The following VWA8 variants were observed in gnomAD, a reference collection of about 807,000 sequenced individuals.
VWA8 encodes the protein von Willebrand factor A domain containing 8, also known as von Willebrand factor A domain-containing protein 8.
Under a neutral mutation model 241.5 loss-of-function variants are expected in VWA8, and 221 were observed. That is an observed-to-expected ratio of 0.91 (90% CI 0.82 to 1.02). VWA8 has a LOEUF of 1.02. Ranked by LOEUF, VWA8 falls within the 50% of genes least tolerant of loss-of-function variation. VWA8 has a pLI of 0.00. For synonymous variants in VWA8, 852 were observed against 827.1 expected, an observed-to-expected ratio of 1.03 and a Z score of -0.52; for missense variants, 2,322 against 2,328.7, an observed-to-expected ratio of 1.00 and a Z score of 0.06.
At chr13:41,671,178 G>T in intron 36 of VWA8, 31 bp from the exon 37 acceptor site, 1 of 1,610,716 alleles carries the variant, frequency 6.2e-7, no homozygotes, top group South Asian at 1.1e-5. Context: ...GAAGCTAAGA[G>T]ACCACAAAAA....
At chr13:41,751,040 A>T (rs1170728146) in intron 21 of VWA8, among the ~76,000 whole-genome samples, 3 of 152,210 alleles carry the variant, frequency 2.0e-5, no homozygotes, top group Non-Finnish European at 4.4e-5. Flanking sequence ...CAGTAATGGT[A>T]TTGATCTCAT....
At chr13:41,580,917 T>G in intron 42 of VWA8, among the ~76,000 whole-genome samples, 1 of 152,246 alleles carries the variant, frequency 6.6e-6, no homozygotes, top group Non-Finnish European at 1.5e-5. Context: ...GAAAGCCTGC[T>G]TCTCTTAGTT....
intron 2 of VWA8, among the ~76,000 whole-genome samples, chr13:41,932,785 A>T (rs749673908): frequency 1.9e-4 from 29 of 151,836 alleles, no homozygotes; most frequent in Non-Finnish European, 3.7e-4. Flanking sequence ...CAGATTAAAA[A>T]CTCTAAGCAA....
At chr13:41,861,704 C>T (rs1350027948) in intron 12 of VWA8, among the ~76,000 whole-genome samples, 2 of 152,070 alleles carry the variant, frequency 1.3e-5, no homozygotes, top group African/African-American at 4.8e-5. Flanking sequence ...ACAACAGCCA[C>T]AGAAAGAATA....
At chr13:41,589,991 C>T (rs1404153730) in intron 41 of VWA8, among the ~76,000 whole-genome samples, 5 of 152,348 alleles carry the variant, frequency 3.3e-5, no homozygotes, top group African/African-American at 1.2e-4. Flanking sequence ...TATGCCTCTT[C>T]TCCTATTAAT....
chr13:41,709,727 G>A (rs1269901584), intron 26 of VWA8, among the ~76,000 whole-genome samples: 1 of 151,316 alleles, frequency 6.6e-6, no homozygotes, highest in African/African-American at 2.4e-5. Context: ...CCTCTTGTGT[G>A]GCTCTAACTT....
At chr13:41,881,185 A>T (rs1021966367) in intron 9 of VWA8, among the ~76,000 whole-genome samples, 2 of 151,896 alleles carry the variant, frequency 1.3e-5, no homozygotes, top group African/African-American at 4.8e-5. Context: ...TCAACCTGGG[A>T]ACTCCATCAT....
chr13:41,602,706 A>T (rs2044529350), intron 40 of VWA8, among the ~76,000 whole-genome samples: 1 of 152,172 alleles, frequency 6.6e-6, no homozygotes, highest in Non-Finnish European at 1.5e-5. Context: ...TAAGCATATC[A>T]TCTGAGTTCT....
chr13:41,713,931 A>G (rs1244150833), intron 26 of VWA8, among the ~76,000 whole-genome samples: 1 of 152,104 alleles, frequency 6.6e-6, no homozygotes, highest in Non-Finnish European at 1.5e-5. Context: ...TGTCTTAAGA[A>G]GAACTCCTGG....
chr13:41,899,548 G>T lies in VWA8; in HGVS notation c.484-7961C>A, dbSNP rs1197549620. 2.6e-5 allele frequency among the ~76,000 whole-genome samples: 4 copies of T among 152,192 alleles called. 1 individual carries two copies. In the South Asian group the frequency reaches 8.3e-4, roughly 32 times the overall value. The stretch of plus-strand genomic sequence containing the variant: ...GCTCTTTGGAAACAAAATCTGAAAC[G>T]CTCAATTTTCAGAACTAATACTAGT... On this transcript the variant is annotated intron_variant, in intron 4 of 44. Transcript: ENST00000379310.
At chr13:41,576,059 A>G (rs2044348829) in intron 42 of VWA8, among the ~76,000 whole-genome samples, 1 of 152,210 alleles carries the variant, frequency 6.6e-6, no homozygotes, top group South Asian at 2.1e-4. Flanking sequence ...GTCAAGTGCA[A>G]CCTTTTCACA....
chr13:41,886,816 C>T lies in VWA8; in HGVS notation c.831G>A (p.Leu277=), dbSNP rs138269345. 8.2e-6 allele frequency: 13 copies of T among 1,591,806 alleles called. No individual in the cohort carries two copies. The highest frequency in any genetic ancestry group is 2.7e-5 in the African/African-American group (2 of 73,980). The part of the protein sequence containing the change: ...YYLPFKDQLK[L]LYSIGANVSA... ...AAACATTGGCTCCAATTGAATATAA[C>T]AACTTAAGTTGGTCCTAAAGTAATA... The change falls in exon 7 of 45, where the codon TTG becomes TTA. Residue 277 remains leucine (L), a synonymous_variant. Coordinates refer to ENST00000379310, the MANE Select transcript of VWA8 (RefSeq NM_015058.2).
At chr13:41,585,863 T>TA (rs5803094) in intron 42 of VWA8, among the ~76,000 whole-genome samples, 3,558 of 102,446 alleles carry the variant, frequency 0.035, 59 homozygotes, top group South Asian at 0.043. Flanking sequence ...GACACCGTCT[T>TA]AAAAAAAAAA....
At chr13:41,770,440 CA>C (rs35797822) in intron 20 of VWA8, among the ~76,000 whole-genome samples, 22,486 of 102,274 alleles carry the variant, frequency 0.22, 1,998 homozygotes, top group South Asian at 0.37. Context: ...GACTCCGTTT[CA>C]AAAAAAAAAA....
At chr13:41,689,247 T>C (rs2045158510) in intron 34 of VWA8, 107 bp downstream of exon 34, 1 of 1,233,112 alleles carries the variant, frequency 8.1e-7, no homozygotes, top group Non-Finnish European at 1.1e-6. Flanking sequence ...TCCAACATGT[T>C]TACCAGGAAA....
At chr13:41,658,252 A>G (rs1025436689) in intron 37 of VWA8, among the ~76,000 whole-genome samples, 4 of 152,358 alleles carry the variant, frequency 2.6e-5, no homozygotes, top group Middle Eastern at 3.4e-3. Context: ...GGCGCTCAGG[A>G]GTTTGAGGCC....
chr13:41,872,913 A>G (rs1011185135), intron 9 of VWA8, among the ~76,000 whole-genome samples: 64 of 152,158 alleles, frequency 4.2e-4, no homozygotes, highest in Non-Finnish European at 7.4e-4. Context: ...GGCCATTTTC[A>G]CAATATTGAT....
chr13:41,704,212 C>T (rs1197443836), intron 26 of VWA8, among the ~76,000 whole-genome samples: 2 of 152,048 alleles, frequency 1.3e-5, no homozygotes, highest in African/African-American at 4.8e-5. Context: ...CTAAAATGTC[C>T]ACATAAATGT....
intron 35 of VWA8, among the ~76,000 whole-genome samples, chr13:41,682,427 T>G (rs955634122): frequency 1.3e-5 from 2 of 152,208 alleles, no homozygotes; most frequent in Admixed American, 6.5e-5. Context: ...CTATAAAACT[T>G]CTAGAAGAAA....
Sources: gnomAD v4.1 joint callset for allele counts (sites outside exome capture counted in the v4.1 genomes callset) on GRCh38, gnomAD v4.1.1 for gene constraint, MANE v1.5 for transcripts, NCBI Gene and HGNC (gene_info 2026-07-23, HGNC 2026-07-21) for gene names.